The following PTPRG variants were observed in gnomAD, a reference collection of about 807,000 sequenced individuals.
PTPRG encodes the protein protein tyrosine phosphatase receptor type G, also known as receptor-type tyrosine-protein phosphatase gamma.
A neutral mutation model predicts 165.3 loss-of-function variants in PTPRG; 102 were observed. The observed-to-expected ratio is 0.62, with a 90% CI of 0.53 to 0.73. The LOEUF is 0.73. PTPRG is among the 30% of genes least tolerant of loss of function. The pLI is 0.00. For synonymous variants in PTPRG, 675 were observed against 669.5 expected, an observed-to-expected ratio of 1.01 and a Z score of -0.13; for missense variants, 1,866 against 1,861.4, an observed-to-expected ratio of 1.00 and a Z score of -0.05.
At chr3:62,285,535 G>C (rs567531242) in intron 28 of PTPRG, among the ~76,000 whole-genome samples, 1 of 131,846 alleles carries the variant, frequency 7.6e-6, no homozygotes, top group Non-Finnish European at 1.6e-5. Context: ...GGGGGGGGGG[G>C]GTCTCAGGTG....
intron 2 of PTPRG, among the ~76,000 whole-genome samples, chr3:61,910,126 A>G (rs1369248509): frequency 6.6e-6 from 1 of 152,186 alleles, no homozygotes; most frequent in African/African-American, 2.4e-5. Flanking sequence ...AATCAATGCC[A>G]ATTTTCAAAG....
chr3:61,795,268 G>A (rs779180239), intron 2 of PTPRG, among the ~76,000 whole-genome samples: 37 of 152,076 alleles, frequency 2.4e-4, no homozygotes, highest in Admixed American at 2.4e-3. Context: ...CTTCATTGTG[G>A]TATAGGGCTT....
At chr3:62,212,068 A>G (rs1156439538) in intron 12 of PTPRG, among the ~76,000 whole-genome samples, 1 of 152,058 alleles carries the variant, frequency 6.6e-6, no homozygotes, top group Non-Finnish European at 1.5e-5. Flanking sequence ...GAGAGAAAGA[A>G]CGGCTGTGGG....
intron 4 of PTPRG, among the ~76,000 whole-genome samples, chr3:62,056,413 A>T (rs1046154376): frequency 3.9e-5 from 6 of 152,228 alleles, no homozygotes; most frequent in African/African-American, 1.4e-4. Context: ...TTAATACCTT[A>T]TAAGATTTTT....
chr3:61,580,224 C>T (rs979793673), intron 1 of PTPRG, among the ~76,000 whole-genome samples: 16 of 152,084 alleles, frequency 1.1e-4, no homozygotes, highest in African/African-American at 3.4e-4. Context: ...GGAGGATTGT[C>T]GGAGCCCAGG....
At chr3:62,186,945 A>C (rs1231601613) in intron 8 of PTPRG, among the ~76,000 whole-genome samples, 2 of 152,214 alleles carry the variant, frequency 1.3e-5, no homozygotes, top group East Asian at 3.9e-4. Context: ...GCAAGCCATG[A>C]GGCTGACGAT....
chr3:61,800,954 C>T (rs2035211241), intron 2 of PTPRG, among the ~76,000 whole-genome samples: 1 of 152,110 alleles, frequency 6.6e-6, no homozygotes, highest in Non-Finnish European at 1.5e-5. Context: ...CAGAACTCTG[C>T]ACAGTACCTT....
At chr3:61,629,265 C>G (rs1423326218) in intron 1 of PTPRG, among the ~76,000 whole-genome samples, 1 of 152,144 alleles carries the variant, frequency 6.6e-6, no homozygotes, top group Admixed American at 6.5e-5. Flanking sequence ...AGTGATTCTC[C>G]TGCCTCAGCC....
rs77211944 is a variant in PTPRG at position 61,579,117 on chromosome 3, T to C, written c.85+16745T>C. ...GTTCCCTGAGGACTAGCTAATACCCTCCAGCAGAGCCAGACTTCAGAGTGA... is the reference window on the plus strand; with the variant it reads ...GTTCCCTGAGGACTAGCTAATACCCCCCAGCAGAGCCAGACTTCAGAGTGA... On this transcript the variant is annotated intron_variant, in intron 1 of 29. Transcript: ENST00000474889. 4.8e-3 allele frequency among the ~76,000 whole-genome samples: 728 copies of C among 152,240 alleles called. 6 individuals are homozygous for C. Among genetic ancestry groups the C allele is most frequent in the African/African-American group, 0.016 (677 of 41,550 alleles).
At chr3:62,053,452 A>G (rs36048494) in intron 4 of PTPRG, among the ~76,000 whole-genome samples, 2 of 151,808 alleles carry the variant, frequency 1.3e-5, no homozygotes, top group African/African-American at 4.8e-5. Flanking sequence ...TTTTTAGTAG[A>G]GACGGGGTTT....
intron 6 of PTPRG, among the ~76,000 whole-genome samples, chr3:62,156,648 A>C (rs755735591): frequency 6.6e-6 from 1 of 152,104 alleles, no homozygotes; most frequent in Non-Finnish European, 1.5e-5. Flanking sequence ...CTGATTATCT[A>C]TCTGTTCATA....
intron 1 of PTPRG, among the ~76,000 whole-genome samples, chr3:61,597,785 A>C (rs1384291126): frequency 6.6e-6 from 1 of 152,176 alleles, no homozygotes; most frequent in African/African-American, 2.4e-5. Context: ...CTAAATATTG[A>C]TATTTATGTG....
At chr3:61,849,631 A>C (rs2036905036) in intron 2 of PTPRG, among the ~76,000 whole-genome samples, 1 of 152,246 alleles carries the variant, frequency 6.6e-6, no homozygotes, top group South Asian at 2.1e-4. Context: ...AAGCCCACAC[A>C]GTCATCAAAA....
chr3:61,877,861 A>T (rs2037786384), intron 2 of PTPRG, among the ~76,000 whole-genome samples: 1 of 152,192 alleles, frequency 6.6e-6, no homozygotes, highest in African/African-American at 2.4e-5. Context: ...AGGAAGAAGA[A>T]GTTGTATTTT....
chr3:61,862,233 C>A (rs1244845319), intron 2 of PTPRG, among the ~76,000 whole-genome samples: 2 of 152,150 alleles, frequency 1.3e-5, no homozygotes, highest in Admixed American at 1.3e-4. Context: ...TCCACAAAAC[C>A]AGGCTGTGGT....
chr3:62,231,406 AG>A lies in PTPRG; in HGVS notation c.2375+96del. 3 of 939,670 alleles carry A rather than the reference AG, an allele frequency of 3.2e-6. No individual in the cohort carries two copies. In the South Asian group the frequency reaches 7.4e-5, roughly 23 times the overall value. The allele number at this position is 939,670 out of a possible 1,614,324, so 58.2% of individuals were successfully genotyped here. On this transcript the variant is annotated intron_variant, in intron 14 of 29. Transcript: ENST00000474889. ...GTTGCCATGGGGATTGAAGTCTTGT[AG>A]ATGGCACAGTGCTGAAACTCACCTG...
intron 4 of PTPRG, among the ~76,000 whole-genome samples, chr3:62,024,006 A>C (rs1006661833): frequency 1.7e-4 from 26 of 152,170 alleles, no homozygotes; most frequent in Non-Finnish European, 2.9e-4. Context: ...AAAAACAAGA[A>C]AGGGGGTCTA....
chr3:62,281,725 G>A lies in PTPRG; in HGVS notation c.3912+16G>A, dbSNP rs778892053. The A allele has an allele frequency of 3.1e-6, 5 of 1,603,076 alleles. No homozygotes were observed. In the East Asian group the frequency reaches 9.0e-5, roughly 29 times the overall value. ...AGCTACACAGGTAACCTAAACCTCA[G>A]TTCCTCACTAATAGCCATACCTGGG... On this transcript the variant is annotated intron_variant, in intron 27 of 29. Coordinates refer to ENST00000474889, the MANE Select transcript of PTPRG (RefSeq NM_002841.4).
At chr3:62,200,097 G>T (rs991754042) in intron 10 of PTPRG, among the ~76,000 whole-genome samples, 4 of 152,132 alleles carry the variant, frequency 2.6e-5, no homozygotes, top group African/African-American at 9.7e-5. Context: ...TTGGGGGAAG[G>T]AAGAAATGGG....
Sources: allele counts gnomAD v4.1 joint callset (sites outside exome capture counted in the v4.1 genomes callset), GRCh38; gene constraint gnomAD v4.1.1; transcripts MANE v1.5; gene names NCBI Gene and HGNC (gene_info 2026-07-23, HGNC 2026-07-21).